NDUFAF2: variants seen among roughly 807,000 people sequenced by gnomAD.
The protein encoded by NDUFAF2 is NADH dehydrogenase [ubiquinone] 1 alpha subcomplex assembly factor 2.
In NDUFAF2, 13 loss-of-function variants were observed where a neutral mutation model predicts 22.8. The ratio of observed to expected loss-of-function variants is 0.57; its 90% CI spans 0.37 to 0.91. The LOEUF (loss-of-function observed/expected upper bound fraction) is 0.91, where lower values mean the gene tolerates loss of function less well. Among genes scored for constraint, NDUFAF2 ranks in the 40% least tolerant of loss-of-function variants. The pLI is 0.01. For synonymous variants in NDUFAF2, 53 were observed against 64.2 expected (o/e 0.83, Z 0.84); for missense variants, 162 against 195.2 (o/e 0.83, Z 1.01).
chr5:61,025,276 T>TA (rs1187307109), intron 1 of NDUFAF2, among the ~76,000 whole-genome samples: 1 of 152,128 alleles, frequency 6.6e-6, no homozygotes, highest in African/African-American at 2.4e-5. Flanking sequence ...AATGAATCGA[T>TA]AATTGTGATT....
intron 2 of NDUFAF2, among the ~76,000 whole-genome samples, chr5:61,082,016 T>C (rs1450110663): frequency 6.6e-6 from 1 of 152,244 alleles, no homozygotes; most frequent in Non-Finnish European, 1.5e-5. Context: ...TCTTCTCTTA[T>C]AACAGAAAGA....
In NDUFAF2 at chr5:61,089,574, A is replaced by G. The variant is rs566174374; in HGVS notation, c.218-9418A>G. 3.9e-5 allele frequency among the ~76,000 whole-genome samples: 6 copies of G among 152,226 alleles called. No individual in the cohort carries two copies. In the South Asian group the frequency reaches 8.3e-4, roughly 21 times the overall value. On this transcript the variant is annotated intron_variant, in intron 2 of 3. Transcript: ENST00000296597. The stretch of plus-strand genomic sequence containing the variant: ...AGGATGCATAACAAATAGTAGTGGC[A>G]TCACTCATCATCCCAACAGGACATT...
chr5:61,152,610 T>C, intron 3 of NDUFAF2, 94 bp from the exon 4 acceptor site: 1 of 822,602 alleles, frequency 1.2e-6, no homozygotes, highest in Non-Finnish European at 1.8e-6. Context: ...TATATTTATA[T>C]GTATATAATG....
chr5:61,085,469 T>C (rs1360008725), intron 2 of NDUFAF2, among the ~76,000 whole-genome samples: 1 of 152,150 alleles, frequency 6.6e-6, no homozygotes, highest in Admixed American at 6.6e-5. Flanking sequence ...GCAGAACACT[T>C]TCCCCCTAAG....
At chr5:61,007,509 C>T (rs1580091645) in intron 1 of NDUFAF2, among the ~76,000 whole-genome samples, 1 of 152,172 alleles carries the variant, frequency 6.6e-6, no homozygotes, top group African/African-American at 2.4e-5. Context: ...ACAGACACTT[C>T]TCAAAAGAAG....
intron 1 of NDUFAF2, among the ~76,000 whole-genome samples, chr5:60,954,913 C>G (rs1318883287): frequency 6.6e-6 from 1 of 151,922 alleles, no homozygotes; most frequent in Non-Finnish European, 1.5e-5. Flanking sequence ...GTTCCTTTGC[C>G]CATTTTAAAA....
intron 3 of NDUFAF2, among the ~76,000 whole-genome samples, chr5:61,130,432 G>T (rs1753094399): frequency 6.6e-6 from 1 of 152,004 alleles, no homozygotes; most frequent in South Asian, 2.1e-4. Context: ...TGCACTCTTG[G>T]TTATCATGAA....
chr5:61,152,079 G>T (rs1270446854), intron 3 of NDUFAF2, among the ~76,000 whole-genome samples: 1 of 152,138 alleles, frequency 6.6e-6, no homozygotes, highest in Non-Finnish European at 1.5e-5. Flanking sequence ...GAACTGCATT[G>T]TACAATCTGT....
chr5:60,999,986 T>C (rs1561538493), intron 1 of NDUFAF2, among the ~76,000 whole-genome samples: 1 of 152,060 alleles, frequency 6.6e-6, no homozygotes, highest in Non-Finnish European at 1.5e-5. Flanking sequence ...GAGAAATTTT[T>C]TTTGGTCTGG....
At chr5:61,111,631 T>A (rs1752841878) in intron 3 of NDUFAF2, among the ~76,000 whole-genome samples, 1 of 151,952 alleles carries the variant, frequency 6.6e-6, no homozygotes, top group South Asian at 2.1e-4. Flanking sequence ...TTTTGTCTTT[T>A]TTTTTGAGAC....
At chr5:61,009,271 A>G (rs1219236758) in intron 1 of NDUFAF2, among the ~76,000 whole-genome samples, 1 of 152,108 alleles carries the variant, frequency 6.6e-6, no homozygotes, top group Non-Finnish European at 1.5e-5. Flanking sequence ...TAAATAGGTT[A>G]TCTAACAAAA....
chr5:60,961,974 AT>A (rs1447571159), intron 1 of NDUFAF2, among the ~76,000 whole-genome samples: 1 of 151,838 alleles, frequency 6.6e-6, no homozygotes, highest in Non-Finnish European at 1.5e-5. Flanking sequence ...AAAAAAAAAA[AT>A]CTTAAAAAAG....
rs989025729 is a variant in NDUFAF2 at position 61,047,744 on chromosome 5, A to G, written c.128-25381A>G. On this transcript the variant is annotated intron_variant, in intron 1 of 3. Coordinates refer to ENST00000296597, the MANE Select transcript of NDUFAF2 (RefSeq NM_174889.5). ...AAGAATCAACCCAGCTATTTCCAGA[A>G]TCATATTTCATTCCAGTAAGGTTTC... Among the ~76,000 whole-genome samples the G allele has an allele frequency of 1.1e-4, 16 of 152,192 alleles. No individual in the cohort carries two copies. The East Asian group carries it at 2.7e-3, about 26-fold the overall frequency.
chr5:61,079,978 T>C (rs1417927088), intron 2 of NDUFAF2, among the ~76,000 whole-genome samples: 2 of 152,244 alleles, frequency 1.3e-5, no homozygotes, highest in Non-Finnish European at 2.9e-5. Flanking sequence ...TGTTTCATTA[T>C]TCAATGTCCA....
intron 1 of NDUFAF2, among the ~76,000 whole-genome samples, chr5:61,034,912 A>ATATGTG (rs111557328): frequency 0.027 from 3,880 of 144,936 alleles, 73 homozygotes; most frequent in African/African-American, 0.06. Context: ...GCAAATATAT[A>ATATGTG]TGTGTGTGTG....
chr5:61,003,659 T>G (rs1328636019), intron 1 of NDUFAF2, among the ~76,000 whole-genome samples: 2 of 149,466 alleles, frequency 1.3e-5, no homozygotes, highest in East Asian at 3.9e-4. Flanking sequence ...TTTTTTTTTT[T>G]TTTTTTTAAG....
chr5:61,075,295 G>T (rs577424360), intron 2 of NDUFAF2, among the ~76,000 whole-genome samples: 3 of 151,656 alleles, frequency 2.0e-5, no homozygotes, highest in African/African-American at 7.3e-5. Flanking sequence ...CATCATTTCA[G>T]TAAAAATATT....
intron 1 of NDUFAF2, among the ~76,000 whole-genome samples, chr5:61,054,060 G>A (rs1445741349): frequency 6.6e-6 from 1 of 152,042 alleles, no homozygotes; most frequent in Non-Finnish European, 1.5e-5. Context: ...ACTTAGCTGG[G>A]CACGTTGGCA....
chr5:60,975,897 T>C (rs1249572630), intron 1 of NDUFAF2, among the ~76,000 whole-genome samples: 1 of 152,152 alleles, frequency 6.6e-6, no homozygotes. Context: ...TTTAGCAACA[T>C]GTAGGTCATT....
Sources: gnomAD v4.1 joint callset for allele counts (sites outside exome capture counted in the v4.1 genomes callset) on GRCh38, gnomAD v4.1.1 for gene constraint, MANE v1.5 for transcripts, NCBI Gene and HGNC (gene_info 2026-07-23, HGNC 2026-07-21) for gene names.